Variants in SLC4A10 observed in about 807,000 individuals in gnomAD.
The protein encoded by SLC4A10 is solute carrier family 4 member 10, also known as sodium-driven chloride bicarbonate exchanger.
Under a neutral mutation model 137.7 loss-of-function variants are expected in SLC4A10, and 42 were observed. That is an observed-to-expected ratio of 0.30 (90% CI 0.24 to 0.39). The LOEUF is 0.39. SLC4A10 is among the 10% of genes least tolerant of loss of function. The pLI, the probability that SLC4A10 is intolerant of heterozygous loss-of-function variation, is 1.00. For missense variants in SLC4A10, 925 were observed against 1,355.0 expected (o/e 0.68, Z 4.98); for synonymous variants, 474 against 464.1 (o/e 1.02, Z -0.27).
chr2:161,653,164 C>T (rs538371165), intron 1 of SLC4A10, among the ~76,000 whole-genome samples: 3 of 152,180 alleles, frequency 2.0e-5, no homozygotes, highest in Non-Finnish European at 4.4e-5. Flanking sequence ...ATCCATGTCC[C>T]GCAAAGGACA....
chr2:161,877,017 G>A (rs889591460), intron 8 of SLC4A10, among the ~76,000 whole-genome samples: 1 of 151,844 alleles, frequency 6.6e-6, no homozygotes, highest in Non-Finnish European at 1.5e-5. Context: ...TAAATAACAG[G>A]TATCAATGAT....
Position 161,834,521 on chromosome 2 carries a change from CTG to C in SLC4A10, c.278-5265_278-5264del, listed in dbSNP as rs1276779872. 1.1e-4 allele frequency among the ~76,000 whole-genome samples: 17 copies of C among 152,270 alleles called. No homozygotes were observed. In the East Asian group the frequency reaches 3.3e-3, roughly 29 times the overall value. On this transcript the variant is annotated intron_variant, in intron 3 of 26. Transcript: ENST00000446997. Reference sequence around the variant, plus strand: ...AAGTCCTTGGTGTGAGTCTCTCAAACTGTGGTAAATGCTTTAAATGTAATTTC... The same window carrying C: ...AAGTCCTTGGTGTGAGTCTCTCAAACTGGTAAATGCTTTAAATGTAATTTC...
chr2:161,813,395 G>C (rs2056741631), intron 3 of SLC4A10, among the ~76,000 whole-genome samples: 1 of 152,086 alleles, frequency 6.6e-6, no homozygotes, highest in Admixed American at 6.6e-5. Flanking sequence ...GTTGGTGGCA[G>C]AGTATGTAAA....
intron 1 of SLC4A10, among the ~76,000 whole-genome samples, chr2:161,721,253 G>C (rs1254218675): frequency 1.3e-5 from 2 of 152,166 alleles, no homozygotes; most frequent in African/African-American, 4.8e-5. Flanking sequence ...TTGTAGATTT[G>C]TTAGTGTAGT....
chr2:161,692,157 A>G (rs1171475185), intron 1 of SLC4A10, among the ~76,000 whole-genome samples: 3 of 152,106 alleles, frequency 2.0e-5, no homozygotes, highest in Admixed American at 6.6e-5. Context: ...AGGACACCCC[A>G]GAAGGAGGGA....
At chr2:161,738,961 A>G (rs528359765) in intron 1 of SLC4A10, among the ~76,000 whole-genome samples, 1 of 152,302 alleles carries the variant, frequency 6.6e-6, no homozygotes, top group East Asian at 1.9e-4. Context: ...ATTTTGCCAG[A>G]TGGGGTGAAG....
intron 1 of SLC4A10, among the ~76,000 whole-genome samples, chr2:161,668,212 C>A (rs1049847835): frequency 1.3e-5 from 2 of 151,622 alleles, no homozygotes; most frequent in African/African-American, 4.8e-5. Context: ...CAGAATTTTG[C>A]AGTTAAGATA....
intron 19 of SLC4A10, among the ~76,000 whole-genome samples, chr2:161,954,103 G>C (rs959064009): frequency 6.6e-6 from 1 of 152,158 alleles, no homozygotes; most frequent in Admixed American, 6.5e-5. Flanking sequence ...TACAATCCCG[G>C]ATCACTTGAG....
At chr2:161,864,424 T>A (rs1282991288) in intron 6 of SLC4A10, among the ~76,000 whole-genome samples, 5 of 152,202 alleles carry the variant, frequency 3.3e-5, no homozygotes, top group Admixed American at 3.3e-4. Context: ...TCAGTTTTCA[T>A]GCTACTGTAT....
At chr2:161,849,218 G>A (rs1396277745) in intron 4 of SLC4A10, among the ~76,000 whole-genome samples, 3 of 151,900 alleles carry the variant, frequency 2.0e-5, no homozygotes, top group Non-Finnish European at 4.4e-5. Context: ...TGTTATTGGT[G>A]TATATAAACA....
At chr2:161,885,270 C>T (rs1301494037) in intron 10 of SLC4A10, among the ~76,000 whole-genome samples, 2 of 140,982 alleles carry the variant, frequency 1.4e-5, no homozygotes, top group Admixed American at 7.5e-5. Context: ...TATGTTGATT[C>T]ATAGTTTACT....
At chr2:161,770,445 G>A (rs1403168920) in intron 1 of SLC4A10, among the ~76,000 whole-genome samples, 1 of 151,792 alleles carries the variant, frequency 6.6e-6, no homozygotes, top group East Asian at 1.9e-4. Flanking sequence ...TCAATAAAAT[G>A]CATTATACTG....
At chr2:161,801,238 A>G (rs932381527) in intron 2 of SLC4A10, among the ~76,000 whole-genome samples, 2 of 151,536 alleles carry the variant, frequency 1.3e-5, no homozygotes, top group African/African-American at 4.8e-5. Context: ...TTCTCATTTA[A>G]CTTTTCTACT....
At chr2:161,700,883 T>A (rs2043055737) in intron 1 of SLC4A10, among the ~76,000 whole-genome samples, 1 of 152,172 alleles carries the variant, frequency 6.6e-6, no homozygotes, top group Non-Finnish European at 1.5e-5. Flanking sequence ...CTCAGCCATG[T>A]ATTTTGTGTC....
intron 3 of SLC4A10, among the ~76,000 whole-genome samples, chr2:161,831,944 G>C (rs536267274): frequency 6.6e-6 from 1 of 152,248 alleles, no homozygotes; most frequent in South Asian, 2.1e-4. Flanking sequence ...AAGGCACTAA[G>C]TGCCTTTGTG....
chr2:161,848,276 A>G lies in SLC4A10; in HGVS notation c.417-6694A>G, dbSNP rs557834670. Among the ~76,000 whole-genome samples the G allele has an allele frequency of 5.9e-5, 9 of 152,180 alleles. No homozygotes were observed. The East Asian group carries it at 1.7e-3, about 29-fold the overall frequency. Reference sequence around the variant, plus strand: ...TATTTGAGTTCCTTAAAGATTCTGGATATTAAACCTTAGTCAGATGCATAG... The same window carrying G: ...TATTTGAGTTCCTTAAAGATTCTGGGTATTAAACCTTAGTCAGATGCATAG... On this transcript the variant is annotated intron_variant, in intron 4 of 26. Coordinates refer to ENST00000446997, the MANE Select transcript of SLC4A10 (RefSeq NM_001178015.2).
chr2:161,808,404 A>G (rs2056216730), intron 3 of SLC4A10, among the ~76,000 whole-genome samples: 1 of 151,962 alleles, frequency 6.6e-6, no homozygotes, highest in African/African-American at 2.4e-5. Flanking sequence ...TTCTTTAAAC[A>G]TTTTGACTAC....
chr2:161,741,995 T>G (rs1041193290), intron 1 of SLC4A10, among the ~76,000 whole-genome samples: 1 of 152,228 alleles, frequency 6.6e-6, no homozygotes, highest in Admixed American at 6.5e-5. Flanking sequence ...TTCCAGCCTC[T>G]GGTAGCTATC....
chr2:161,836,665 A>C (rs62187735), intron 3 of SLC4A10, among the ~76,000 whole-genome samples: 7,315 of 133,434 alleles, frequency 0.055, 567 homozygotes, highest in East Asian at 0.17. Context: ...AAAAAAAAAA[A>C]CCCCATAAAC....
Sources: allele counts gnomAD v4.1 joint callset (sites outside exome capture counted in the v4.1 genomes callset), GRCh38; gene constraint gnomAD v4.1.1; transcripts MANE v1.5; gene names NCBI Gene and HGNC (gene_info 2026-07-23, HGNC 2026-07-21).